Variants in PHF24 observed in about 807,000 individuals in gnomAD.
The protein encoded by PHF24 is PHD finger protein 24, also known as Galpha inhibitory interacting protein.
In PHF24, 25 loss-of-function variants were observed where a neutral mutation model predicts 42.6. The observed-to-expected ratio is 0.59, with a 90% CI of 0.43 to 0.82. PHF24 has a LOEUF of 0.82. PHF24 is among the 40% of genes least tolerant of loss of function. The pLI is 0.00. For missense variants in PHF24, 470 were observed against 538.1 expected (o/e 0.87, Z 1.25); for synonymous variants, 185 against 204.8 (o/e 0.90, Z 0.83).
chr9:34,829,531 TA>T, the PHF24 span, among the ~76,000 whole-genome samples: 8 of 152,210 alleles, frequency 5.3e-5, no homozygotes, highest in Admixed American at 3.9e-4. Context: ...AAGTAATTTT[TA>T]TTGTGACCCT....
the PHF24 span, among the ~76,000 whole-genome samples, chr9:34,832,085 AGTGGAGATAAGGAGCAGATGGGCAAC>A: frequency 4.6e-5 from 7 of 152,258 alleles, no homozygotes; most frequent in Non-Finnish European, 8.8e-5. Flanking sequence ...AACACAATAC[AGTGGAGATAAGGAGCAGATGGGCAAC>A]GTATTGCTGA....
At chr9:34,875,349 A>G in the PHF24 span, among the ~76,000 whole-genome samples, 2 of 152,346 alleles carry the variant, frequency 1.3e-5, no homozygotes, top group Non-Finnish European at 2.9e-5. Context: ...CTTTAATAAA[A>G]AATGTAAAAT....
the PHF24 span, among the ~76,000 whole-genome samples, chr9:34,820,525 C>T: frequency 5.3e-5 from 8 of 152,080 alleles, no homozygotes; most frequent in East Asian, 3.8e-4. Flanking sequence ...CTGAGAATAA[C>T]GGCTTCCAGC....
chr9:34,690,114 G>T, the PHF24 span: 1 of 1,584,086 alleles, frequency 6.3e-7, no homozygotes, highest in Non-Finnish European at 8.7e-7. Flanking sequence ...TTCCTTGAAG[G>T]GGTTGGGCTT....
chr9:34,781,530 G>T, the PHF24 span, among the ~76,000 whole-genome samples: 1 of 151,982 alleles, frequency 6.6e-6, no homozygotes, highest in Non-Finnish European at 1.5e-5. Flanking sequence ...ATAATGTGAC[G>T]GTTGTACAAC....
the PHF24 span, among the ~76,000 whole-genome samples, chr9:34,931,782 A>T: frequency 6.6e-6 from 1 of 151,966 alleles, no homozygotes; most frequent in Non-Finnish European, 1.5e-5. Context: ...TTTATAAACA[A>T]CCCAGCCTCA....
chr9:34,716,604 G>GTTTTT, the PHF24 span, among the ~76,000 whole-genome samples: 1 of 150,272 alleles, frequency 6.7e-6, no homozygotes, highest in Non-Finnish European at 1.5e-5. Context: ...GTTTTGTTTT[G>GTTTTT]TTGAGACAGG....
the PHF24 span, among the ~76,000 whole-genome samples, chr9:34,854,802 C>T: frequency 6.6e-6 from 1 of 152,080 alleles, no homozygotes; most frequent in Non-Finnish European, 1.5e-5. Context: ...CCACTTTATC[C>T]AAAGCTGAGT....
At chr9:34,839,851 A>G in the PHF24 span, among the ~76,000 whole-genome samples, 1 of 152,210 alleles carries the variant, frequency 6.6e-6, no homozygotes. Context: ...TCAACTTTTC[A>G]AGAGAGAGAA....
At chr9:34,745,703 C>T in the PHF24 span, among the ~76,000 whole-genome samples, 1 of 148,164 alleles carries the variant, frequency 6.7e-6, no homozygotes, top group African/African-American at 2.5e-5. Flanking sequence ...AAAATATACC[C>T]ACAACTTTAC....
upstream of PHF24, among the ~76,000 whole-genome samples, chr9:34,954,126 A>T (rs73645442): frequency 0.064 from 9,802 of 152,216 alleles, 958 homozygotes; most frequent in African/African-American, 0.22. Context: ...CCTGGGCAAC[A>T]TAGCAAGACT....
At chr9:34,780,349 T>A in the PHF24 span, among the ~76,000 whole-genome samples, 1 of 129,030 alleles carries the variant, frequency 7.8e-6, no homozygotes. Context: ...CAGGCTGGAG[T>A]GCAGTGGTGT....
the PHF24 span, among the ~76,000 whole-genome samples, chr9:34,826,141 C>G: frequency 6.6e-6 from 1 of 152,156 alleles, no homozygotes; most frequent in Non-Finnish European, 1.5e-5. Context: ...CCAGGCCCCC[C>G]TCTCCCTCCC....
the PHF24 span, among the ~76,000 whole-genome samples, chr9:34,700,697 G>A: frequency 2.6e-5 from 4 of 152,086 alleles, no homozygotes; most frequent in Non-Finnish European, 4.4e-5. Context: ...GTAAATGGAT[G>A]GTACTTAAAG....
At chr9:34,936,215 C>T in the PHF24 span, among the ~76,000 whole-genome samples, 2 of 152,158 alleles carry the variant, frequency 1.3e-5, no homozygotes, top group African/African-American at 2.4e-5. Flanking sequence ...ATTGCAGGCG[C>T]GCGCCGCCAC....
the PHF24 span, among the ~76,000 whole-genome samples, chr9:34,731,451 C>T: frequency 6.6e-6 from 1 of 152,194 alleles, no homozygotes; most frequent in Admixed American, 6.5e-5. Flanking sequence ...CCTCACCCCG[C>T]TACCTTTCCC....
chr9:34,955,305 C>T (rs371160415), upstream of PHF24, among the ~76,000 whole-genome samples: 10 of 148,220 alleles, frequency 6.7e-5, no homozygotes, highest in African/African-American at 2.5e-4. Context: ...ATATGTTTGC[C>T]ATAGCCAAGA....
intron 1 of PHF24, among the ~76,000 whole-genome samples, chr9:34,969,248 G>T (rs1826886758): frequency 6.6e-6 from 1 of 152,150 alleles, no homozygotes; most frequent in African/African-American, 2.4e-5. Context: ...ATGTCCCAGG[G>T]ACATCTTTAA....
chr9:34,684,670 T>C, the PHF24 span, among the ~76,000 whole-genome samples: 1 of 152,222 alleles, frequency 6.6e-6, no homozygotes, highest in East Asian at 1.9e-4. Context: ...AAGGGCTGGC[T>C]TCCTCTTGGG....
Sources: gnomAD v4.1 joint callset for allele counts (sites outside exome capture counted in the v4.1 genomes callset) on GRCh38, gnomAD v4.1.1 for gene constraint, MANE v1.5 for transcripts, NCBI Gene and HGNC (gene_info 2026-07-23, HGNC 2026-07-21) for gene names.